Variants in TRIM17 observed in about 807,000 individuals in gnomAD.
TRIM17 encodes the protein tripartite motif containing 17.
A neutral mutation model predicts 35.8 loss-of-function variants in TRIM17; 27 were observed. The ratio of observed to expected loss-of-function variants is 0.75; its 90% confidence interval spans 0.56 to 1.04. The LOEUF (loss-of-function observed/expected upper bound fraction) is 1.04. TRIM17 is among the 50% of genes least tolerant of loss of function. TRIM17 has a pLI of 0.00. For missense variants in TRIM17, 582 were observed against 612.8 expected (o/e 0.95, Z 0.53); for synonymous variants, 246 against 252.6 (o/e 0.97, Z 0.25).
In TRIM17 at chr1:228,408,420, G is replaced by A. The variant is rs1553702072; in HGVS notation, c.1215C>T (p.Ala405=). Residue 405 remains alanine (A), a synonymous_variant, in exon 7 of 7, where the codon GCC becomes GCT. Coordinates refer to ENST00000366698, the MANE Select transcript of TRIM17 (RefSeq NM_016102.4). This position sits in a 1 kb window ranked among gnomAD's most constrained non-coding sequence, Gnocchi z 6.3. ...GCTCCATCAGCATGACCGGGGTTAGGGCAGAGAAGGTGGATAAGTACTTGG... is the reference window on the plus strand; with the variant it reads ...GCTCCATCAGCATGACCGGGGTTAGAGCAGAGAAGGTGGATAAGTACTTGG... ...KGTKYLSTFS[A]LTPVMLMEPP... 1 of 1,614,192 alleles carries A rather than the reference G, an allele frequency of 6.2e-7. No individual in the cohort carries two copies. Among genetic ancestry groups the A allele is most frequent in the South Asian group, 1.1e-5 (1 of 91,090 alleles).
intron 2 of TRIM17, among the ~76,000 whole-genome samples, 191 bp from the exon 3 acceptor site, chr1:228,414,083 T>C (rs1656946828): frequency 6.6e-6 from 1 of 152,214 alleles, no homozygotes; most frequent in East Asian, 1.9e-4. Flanking sequence ...AAAGGGCAGG[T>C]GTAAGAATTG....
In TRIM17 at chr1:228,408,795, G is replaced by A; in HGVS notation, c.884-44C>T. 2.5e-6 allele frequency: 4 copies of A among 1,570,230 alleles called. No homozygotes were observed. Among genetic ancestry groups the A allele is most frequent in the Non-Finnish European group, 1.7e-6 (2 of 1,163,874 alleles). ...GTGGAGAGATGGGGAGAGGTGTGGG[G>A]CATTCAGGGTCAAAGGTGGGAGTCC... On this transcript the variant is annotated intron_variant, in intron 6 of 6. Coordinates refer to ENST00000366698, the MANE Select transcript of TRIM17 (RefSeq NM_016102.4). The surrounding 1 kb of genome is among the most constrained non-coding windows in gnomAD (Gnocchi z 6.3).
intron 1 of TRIM17, 26 bp from the exon 2 acceptor site, chr1:228,415,139 C>G: frequency 1.3e-6 from 2 of 1,516,256 alleles, no homozygotes; most frequent in African/African-American, 1.4e-5. Flanking sequence ...GGGAGCAGCC[C>G]GATGATCTGG....
At position 228,408,295 on chromosome 1, in the gene TRIM17, G is replaced by C; in HGVS notation, c.1340C>G (p.Thr447Ser). 6.2e-7 allele frequency: 1 copy of C among 1,606,194 alleles called. No homozygotes were observed. ...GSHLHTYSQA[T>S]FPGPLQPFFC... ...GAAAGGCTGCAGGGGGCCTGGGAAG[G>C]TGGCCTGGGAGTAGGTGTGCAGGTG... The change falls in exon 7 of 7, where the codon ACC becomes AGC. Residue 447 changes from threonine (T) to serine (S), a missense_variant. Physicochemically the swap from Thr to Ser is moderately conservative, Grantham distance 58 (BLOSUM62 1). Coordinates refer to ENST00000366698, the MANE Select transcript of TRIM17 (RefSeq NM_016102.4). This position sits in a 1 kb window ranked among gnomAD's most constrained non-coding sequence, Gnocchi z 6.3.
In TRIM17 at chr1:228,408,270, GAA is replaced by G; in HGVS notation, c.1363_1364del (p.Phe455LeufsTer75). 1 of 1,589,528 alleles carries G rather than the reference GAA, an allele frequency of 6.3e-7. No homozygotes were observed. The highest frequency in any genetic ancestry group is 8.6e-7 in the Non-Finnish European group (1 of 1,166,700). The stretch of plus-strand genomic sequence containing the variant: ...CAGACTTCGGAGCCCCCAGGCAGAA[GAA>G]AGGCTGCAGGGGGCCTGGGAAGGTG... ...QATFPGPLQPFFCLGAPKSGQ... is the reference protein window; with the variant it reads ...QATFPGPLQPXFCLGAPKSGQ... On this transcript the variant is annotated frameshift_variant, in exon 7 of 7. Coordinates refer to ENST00000366698, the MANE Select transcript of TRIM17 (RefSeq NM_016102.4). LOFTEE classifies it high-confidence loss of function. This position sits in a 1 kb window ranked among gnomAD's most constrained non-coding sequence, Gnocchi z 6.3.
Position 228,410,801 on chromosome 1 carries a change from G to T in TRIM17, c.756+145C>A. 1.6e-6 allele frequency: 1 copy of T among 623,382 alleles called. No individual in the cohort carries two copies. The highest frequency in any genetic ancestry group is 2.7e-6 in the Non-Finnish European group (1 of 365,126). 38.6% of individuals were successfully genotyped at this position (623,382 alleles called of 1,614,324 possible). On this transcript the variant is annotated intron_variant, in intron 4 of 6. Coordinates refer to ENST00000366698, the MANE Select transcript of TRIM17 (RefSeq NM_016102.4). This position sits in a 1 kb window ranked among gnomAD's most constrained non-coding sequence, Gnocchi z 4.6. The stretch of plus-strand genomic sequence containing the variant: ...GAGGAACCAGGCCTGCCCGCACCTT[G>T]GCCTCAGCCACCCAGCCTCCAGGAC...
At position 228,411,096 on chromosome 1, in the gene TRIM17, C is replaced by A; in HGVS notation, c.606G>T (p.Arg202Ser). The change falls in exon 4 of 7, where the codon AGG becomes AGT. Residue 202 changes from arginine to serine, a missense_variant. Coordinates refer to ENST00000366698, the MANE Select transcript of TRIM17 (RefSeq NM_016102.4). The surrounding 1 kb of genome is among the most constrained non-coding windows in gnomAD (Gnocchi z 4.2). ...CTTCCGTCTCCAGAGCCTGGAGGAG[C>A]CTCTGCTCTTCTTCCACCAGGTAGA... is the stretch of plus-strand genomic sequence containing the variant. ...MNLYLVEEEQRLLQALETEEE... is the reference protein window; with the variant it reads ...MNLYLVEEEQSLLQALETEEE... The A allele has an allele frequency of 6.2e-7, 1 of 1,614,156 alleles. No homozygotes were observed.
In TRIM17 at chr1:228,408,793, G is replaced by C. The variant is rs369894114; in HGVS notation, c.884-42C>G. On this transcript the variant is annotated intron_variant, in intron 6 of 6. Coordinates refer to ENST00000366698, the MANE Select transcript of TRIM17 (RefSeq NM_016102.4). This position sits in a 1 kb window ranked among gnomAD's most constrained non-coding sequence, Gnocchi z 6.3. ...TGGTGGAGAGATGGGGAGAGGTGTGGGGCATTCAGGGTCAAAGGTGGGAGT... is the reference window on the plus strand; with the variant it reads ...TGGTGGAGAGATGGGGAGAGGTGTGCGGCATTCAGGGTCAAAGGTGGGAGT... 1,199 of 1,570,744 alleles carry C rather than the reference G, an allele frequency of 7.6e-4. No homozygotes were observed. Among genetic ancestry groups the C allele is most frequent in the South Asian group, 9.3e-4 (81 of 86,638 alleles).
At position 228,408,082 on chromosome 1, in the gene TRIM17, CTG is replaced by C. The variant is rs1574091968; in HGVS notation, c.*117_*118del. On this transcript the variant is annotated 3_prime_UTR_variant, in exon 7 of 7. Coordinates refer to ENST00000366698, the MANE Select transcript of TRIM17 (RefSeq NM_016102.4). This position sits in a 1 kb window ranked among gnomAD's most constrained non-coding sequence, Gnocchi z 6.3. ...TATATTTAGAATTTGAGAAACCCCC[CTG>C]TGTGTCTAATGGCTGCCAGCGTGAT... The C allele has an allele frequency of 8.5e-5, 77 of 906,464 alleles. No individual in the cohort carries two copies. In the East Asian group the frequency reaches 1.9e-3, roughly 22 times the overall value. The allele number at this position is 906,464 out of a possible 1,614,324, so 56.2% of individuals were successfully genotyped here. A position where few individuals can be genotyped will look rare whatever the true frequency, so the allele number is the denominator to read the frequency against.
Position 228,410,904 on chromosome 1 carries a change from A to C in TRIM17, c.756+42T>G. 260 of 1,370,406 alleles carry C rather than the reference A, an allele frequency of 1.9e-4. No homozygotes were observed. The highest frequency in any genetic ancestry group is 2.4e-4 in the Middle Eastern group (1 of 4,122). 84.9% of individuals were successfully genotyped at this position (1,370,406 alleles called of 1,614,324 possible). ...CCAGCGCCCCCTGCCCATGCCTGTCAGAGCTCACATCCCACCCTGCCTGCC... is the reference window on the plus strand; with the variant it reads ...CCAGCGCCCCCTGCCCATGCCTGTCCGAGCTCACATCCCACCCTGCCTGCC... On this transcript the variant is annotated intron_variant, in intron 4 of 6. Coordinates refer to ENST00000366698, the MANE Select transcript of TRIM17 (RefSeq NM_016102.4). The surrounding 1 kb of genome is among the most constrained non-coding windows in gnomAD (Gnocchi z 4.6).
At position 228,410,714 on chromosome 1, in the gene TRIM17, G is replaced by T. The variant is rs762032996; in HGVS notation, c.756+232C>A. Among the ~76,000 whole-genome samples, 13 of 152,176 alleles carry T rather than the reference G, an allele frequency of 8.5e-5. No homozygotes were observed. Among genetic ancestry groups the T allele is most frequent in the Admixed American group, 2.6e-4 (4 of 15,282 alleles). On this transcript the variant is annotated intron_variant, in intron 4 of 6. Transcript: ENST00000366698. This position sits in a 1 kb window ranked among gnomAD's most constrained non-coding sequence, Gnocchi z 4.6. ...TGATTAGGACAGAGACGTGCATAGAGAGATGATGCCATGAGGACGCGGGGA... is the reference window on the plus strand; with the variant it reads ...TGATTAGGACAGAGACGTGCATAGATAGATGATGCCATGAGGACGCGGGGA...
In TRIM17 at chr1:228,414,756, A is replaced by T; in HGVS notation, c.317T>A (p.Leu106His). The T allele has an allele frequency of 6.2e-7, 1 of 1,612,898 alleles. No homozygotes were observed. Among genetic ancestry groups the T allele is most frequent in the Non-Finnish European group, 8.5e-7 (1 of 1,180,026 alleles). ...QDLCQEHHEPLKLFCQKDQSP... is the reference protein window; with the variant it reads ...QDLCQEHHEPHKLFCQKDQSP... Reference sequence around the variant, plus strand: ...CTGGTCCTTCTGGCAGAAAAGCTTGAGGGGCTCGTGGTGCTCCTGGCACAG... The same window carrying T: ...CTGGTCCTTCTGGCAGAAAAGCTTGTGGGGCTCGTGGTGCTCCTGGCACAG... Residue 106 changes from leucine to histidine, a missense_variant, in exon 2 of 7, where the codon CTC becomes CAC. By Grantham distance (99) the Leu-to-His change is moderately conservative. Transcript: ENST00000366698.
intron 1 of TRIM17, 71 bp from the exon 2 acceptor site, chr1:228,415,184 C>T: frequency 7.8e-7 from 1 of 1,280,012 alleles, no homozygotes; most frequent in Non-Finnish European, 1.1e-6. Context: ...GTACAGCCTC[C>T]CTTTACAGAG....
At position 228,411,131 on chromosome 1, in the gene TRIM17, T is replaced by C; in HGVS notation, c.571A>G (p.Lys191Glu). Residue 191 changes from lysine (K) to glutamate (E), a missense_variant, in exon 4 of 7, where the codon AAG (lysine) becomes GAG (glutamate). By Grantham distance (56) the Lys-to-Glu change is moderately conservative (BLOSUM62 1). Transcript: ENST00000366698. This position sits in a 1 kb window ranked among gnomAD's most constrained non-coding sequence, Gnocchi z 4.2. ...RRERIVLEFE[K>E]MNLYLVEEEQ... ...TCTTCCACCAGGTAGAGGTTCATCT[T>C]CTCAAACTCCAGCACAATGCGTTCT... 6.2e-7 allele frequency: 1 copy of C among 1,614,010 alleles called. No individual in the cohort carries two copies. Among genetic ancestry groups the C allele is most frequent in the Middle Eastern group, 1.7e-4 (1 of 6,058 alleles).
At chr1:228,409,117 G>A (rs940852567) in intron 6 of TRIM17, 55 bp downstream of exon 6, 2 of 1,613,866 alleles carry the variant, frequency 1.2e-6, no homozygotes, top group African/African-American at 2.7e-5. Context: ...GGGGTACAGT[G>A]GGGCATCGCC....
Position 228,408,921 on chromosome 1 carries a change from G to A in TRIM17, c.884-170C>T. 6.7e-7 allele frequency: 1 copy of A among 1,487,306 alleles called. No individual in the cohort carries two copies. Among genetic ancestry groups the A allele is most frequent in the Non-Finnish European group, 9.0e-7 (1 of 1,114,828 alleles). The allele number at this position is 1,487,306 out of a possible 1,614,324, so 92.1% of individuals were successfully genotyped here. A position where few individuals can be genotyped will look rare whatever the true frequency, so the allele number is the denominator to read the frequency against. ...CTTGATGCTTCCACACACCAATTGT[G>A]TGTGGGCCTTGGTGGCAATAAGGTA... is the stretch of plus-strand genomic sequence containing the variant. On this transcript the variant is annotated intron_variant, in intron 6 of 6. Coordinates refer to ENST00000366698, the MANE Select transcript of TRIM17 (RefSeq NM_016102.4). This position sits in a 1 kb window ranked among gnomAD's most constrained non-coding sequence, Gnocchi z 6.3.
intron 3 of TRIM17, among the ~76,000 whole-genome samples, chr1:228,412,595 CAAAAAAAAAAA>C (rs34002550): frequency 8.4e-5 from 4 of 47,426 alleles, no homozygotes; most frequent in Non-Finnish European, 1.4e-4. Context: ...CTTGTCTCTA[CAAAAAAAAAAA>C]AAAAAAAAAA....
rs927406222 is a variant in TRIM17, at chr1:228,415,140, G to A, written c.-41-27C>T. ...TGGAGAGAGTTGGAGGGAGCAGCCC[G>A]ATGATCTGGGCGCCGGCAGTGTGCA... On this transcript the variant is annotated intron_variant, in intron 1 of 6. Coordinates refer to ENST00000366698, the MANE Select transcript of TRIM17 (RefSeq NM_016102.4). 9.3e-6 allele frequency: 14 copies of A among 1,510,924 alleles called. No individual in the cohort carries two copies. The African/African-American group carries it at 9.7e-5, about 10-fold the overall frequency. 93.6% of individuals were successfully genotyped at this position (1,510,924 alleles called of 1,614,324 possible).
rs1174482721 is a variant in TRIM17 at position 228,409,224 on chromosome 1, G to C, written c.831C>G (p.Pro277=). 1 of 1,614,014 alleles carries C rather than the reference G, an allele frequency of 6.2e-7. No individual in the cohort carries two copies. Among genetic ancestry groups the C allele is most frequent in the Admixed American group, 1.7e-5 (1 of 60,002 alleles). The change falls in exon 6 of 7, where the codon CCC becomes CCG. Residue 277 remains proline (P), a synonymous_variant. Coordinates refer to ENST00000366698, the MANE Select transcript of TRIM17 (RefSeq NM_016102.4). ...QCPEVAPPTR[P]RTVCRVPGQI... is the part of the protein sequence containing the mutation. ...GTCCGGGAACTCTGCACACAGTCCT[G>C]GGTCTGGTTGGGGGGGCAACCTCTG...
Sources: gnomAD v4.1 joint callset for allele counts (sites outside exome capture counted in the v4.1 genomes callset) on GRCh38, gnomAD v4.1.1 for gene constraint, Gnocchi (gnomAD v3.1) non-coding constraint, MANE v1.5 for transcripts, NCBI Gene and HGNC (gene_info 2026-07-23, HGNC 2026-07-21) for gene names.